Variants in ANO2 observed in about 807,000 individuals in gnomAD.
ANO2 encodes anoctamin-2.
ANO2 carries 101 observed loss-of-function variants against 124.2 expected under a neutral mutation model. That is an observed-to-expected ratio of 0.81 (90% CI 0.69 to 0.96). The LOEUF (loss-of-function observed/expected upper bound fraction) is 0.96, where lower values mean the gene tolerates loss of function less well. Among genes scored for constraint, ANO2 ranks in the 40% least tolerant of loss-of-function variants. The pLI is 0.00. For missense variants in ANO2, 1,293 were observed against 1,274.5 expected (o/e 1.01, Z -0.22); for synonymous variants, 486 against 482.5 (o/e 1.01, Z -0.09).
At chr12:5,696,801 A>C (rs1949200329) in intron 14 of ANO2, among the ~76,000 whole-genome samples, 1 of 152,258 alleles carries the variant, frequency 6.6e-6, no homozygotes, top group Non-Finnish European at 1.5e-5. Context: ...TCAGGAGTAC[A>C]TGAAGAGTTT....
chr12:5,782,556 GA>G (rs1274419069), intron 10 of ANO2, among the ~76,000 whole-genome samples: 3 of 152,094 alleles, frequency 2.0e-5, no homozygotes, highest in African/African-American at 4.8e-5. Flanking sequence ...TCTAACATCT[GA>G]AAACAATTAT....
intron 16 of ANO2, among the ~76,000 whole-genome samples, chr12:5,634,210 C>T (rs1945881078): frequency 6.6e-6 from 1 of 152,152 alleles, no homozygotes; most frequent in African/African-American, 2.4e-5. Context: ...GCAAAGTGCT[C>T]ACCGTGGGTA....
At chr12:5,712,306 G>T (rs1434503277) in intron 14 of ANO2, among the ~76,000 whole-genome samples, 1 of 151,926 alleles carries the variant, frequency 6.6e-6, no homozygotes, top group African/African-American at 2.4e-5. Context: ...AAAAGTCTTT[G>T]CAAATGTAAC....
chr12:5,883,937 A>T lies in ANO2; in HGVS notation c.535-29796T>A, dbSNP rs181964148. On this transcript the variant is annotated intron_variant, in intron 3 of 24. Transcript: ENST00000682330. ...CTTTTCTGTGCATTATCTAACTTAA[A>T]CCTAATCCCAGCATTGTCAGGTATA... Among the ~76,000 whole-genome samples, 24 of 152,190 alleles carry T rather than the reference A, an allele frequency of 1.6e-4. No homozygotes were observed. The East Asian group carries it at 4.1e-3, about 26-fold the overall frequency.
intron 10 of ANO2, among the ~76,000 whole-genome samples, chr12:5,792,437 TTA>T (rs577656352): frequency 1.0e-3 from 153 of 152,350 alleles, no homozygotes; most frequent in Admixed American, 2.7e-3. Flanking sequence ...TCCAGCCTGG[TTA>T]TGTTTTCTTT....
intron 3 of ANO2, among the ~76,000 whole-genome samples, chr12:5,873,238 T>TCA (rs1194703266): frequency 1.3e-5 from 2 of 149,130 alleles, no homozygotes; most frequent in Non-Finnish European, 3.0e-5. Flanking sequence ...TCTCTCTCTC[T>TCA]CTCTCTCTGT....
At chr12:5,754,659 T>G (rs1298398914) in intron 10 of ANO2, among the ~76,000 whole-genome samples, 1 of 152,202 alleles carries the variant, frequency 6.6e-6, no homozygotes, top group Non-Finnish European at 1.5e-5. Flanking sequence ...TTATCCTTGA[T>G]TCAATCTTGT....
At chr12:5,804,138 A>G (rs1953123610) in intron 9 of ANO2, among the ~76,000 whole-genome samples, 1 of 152,220 alleles carries the variant, frequency 6.6e-6, no homozygotes, top group Admixed American at 6.5e-5. Flanking sequence ...AACCACCTCG[A>G]AGAACACTTG....
At chr12:5,888,866 G>A (rs992171897) in intron 3 of ANO2, among the ~76,000 whole-genome samples, 1 of 152,244 alleles carries the variant, frequency 6.6e-6, no homozygotes, top group Non-Finnish European at 1.5e-5. Flanking sequence ...CGCAGGTGGA[G>A]CTGCCTGCCA....
chr12:5,742,247 T>C (rs1189124304), intron 12 of ANO2, among the ~76,000 whole-genome samples: 1 of 152,126 alleles, frequency 6.6e-6, no homozygotes, highest in African/African-American at 2.4e-5. Flanking sequence ...GCACCACTAA[T>C]CATAATAATC....
At chr12:5,916,899 C>G (rs534014266) in intron 3 of ANO2, among the ~76,000 whole-genome samples, 1 of 152,098 alleles carries the variant, frequency 6.6e-6, no homozygotes, top group Non-Finnish European at 1.5e-5. Context: ...ACGCTTTACA[C>G]GCGAGGTCCC....
At chr12:5,692,549 C>T (rs374891932) in intron 14 of ANO2, among the ~76,000 whole-genome samples, 10 of 152,292 alleles carry the variant, frequency 6.6e-5, no homozygotes, top group Admixed American at 3.3e-4. Flanking sequence ...AAAGATCCTA[C>T]ATCCAGGTCT....
chr12:5,837,750 A>C (rs1954376167), intron 4 of ANO2, among the ~76,000 whole-genome samples: 1 of 151,678 alleles, frequency 6.6e-6, no homozygotes, highest in Non-Finnish European at 1.5e-5. Flanking sequence ...AATGCCCACA[A>C]GAGAAAGCAG....
chr12:5,854,137 T>G lies in ANO2; in HGVS notation c.539A>C (p.Lys180Thr). 1 of 1,612,440 alleles carries G rather than the reference T, an allele frequency of 6.2e-7. No homozygotes were observed. Among genetic ancestry groups the G allele is most frequent in the South Asian group, 1.1e-5 (1 of 91,060 alleles). Residue 180 changes from lysine (K) to threonine (T), a missense_variant, in exon 4 of 25, where the codon AAA becomes ACA. Lys to Thr is a moderately conservative substitution (Grantham distance 78, BLOSUM62 -1). Coordinates refer to ENST00000682330, the MANE Select transcript of ANO2 (RefSeq NM_001364791.2). ...CCGGACAAAGATGGATCCCTGGCTT[T>G]TATTCTGCAAGGTACAAAGAAAGAA... ...GLELEKDLEN[K>T]SQGSIFVRIH...
At chr12:5,917,558 CTTTTTTCT>C (rs374419429) in intron 3 of ANO2, among the ~76,000 whole-genome samples, 154 of 104,460 alleles carry the variant, frequency 1.5e-3, no homozygotes, top group South Asian at 2.4e-3. Context: ...TTATTATTCT[CTTTTTTCT>C]TTTTTTTTTT....
chr12:5,783,623 T>C (rs1952463502), intron 10 of ANO2, among the ~76,000 whole-genome samples: 1 of 152,168 alleles, frequency 6.6e-6, no homozygotes, highest in African/African-American at 2.4e-5. Flanking sequence ...ACAGGTAATG[T>C]TAAAAATGGA....
At chr12:5,592,637 G>C (rs1943458069) in intron 20 of ANO2, among the ~76,000 whole-genome samples, 1 of 152,202 alleles carries the variant, frequency 6.6e-6, no homozygotes, top group African/African-American at 2.4e-5. Context: ...TCTTTTAAAA[G>C]CCGTTCTAAA....
At chr12:5,765,068 G>A (rs1052669581) in intron 10 of ANO2, among the ~76,000 whole-genome samples, 1 of 152,188 alleles carries the variant, frequency 6.6e-6, no homozygotes, top group African/African-American at 2.4e-5. Flanking sequence ...AGGAGCCTGA[G>A]CACAGAGTCT....
At chr12:5,727,816 T>C (rs1373415129) in intron 14 of ANO2, among the ~76,000 whole-genome samples, 2 of 150,014 alleles carry the variant, frequency 1.3e-5, no homozygotes, top group African/African-American at 2.5e-5. Flanking sequence ...TTTTTCTTTT[T>C]TTTTTTTCGA....
Sources: gnomAD v4.1 joint callset for allele counts (sites outside exome capture counted in the v4.1 genomes callset) on GRCh38, gnomAD v4.1.1 for gene constraint, MANE v1.5 for transcripts, NCBI Gene and HGNC (gene_info 2026-07-23, HGNC 2026-07-21) for gene names.